Variants in HIVEP3 observed in about 807,000 individuals in gnomAD.
HIVEP3 encodes transcription factor HIVEP3.
Under a neutral mutation model 152.8 loss-of-function variants are expected in HIVEP3, and 49 were observed. The observed-to-expected ratio is 0.32, with a 90% CI of 0.26 to 0.41. HIVEP3 has a LOEUF of 0.41. Ranked by LOEUF, HIVEP3 falls within the 10% of genes least tolerant of loss-of-function variation. The pLI is 1.00. For synonymous variants in HIVEP3, 1,269 were observed against 1,289.0 expected, an observed-to-expected ratio of 0.98 and a Z score of 0.33; for missense variants, 2,790 against 3,103.3, an observed-to-expected ratio of 0.90 and a Z score of 2.40.
At chr1:41,578,592 TTGGTCAGAGCTTC>T (rs1264378953) in intron 4 of HIVEP3, among the ~76,000 whole-genome samples, 7 of 152,256 alleles carry the variant, frequency 4.6e-5, no homozygotes, top group Admixed American at 4.6e-4. Context: ...TAGACCTAAT[TTGGTCAGAGCTTC>T]TGGTCTGAAG....
intron 5 of HIVEP3, among the ~76,000 whole-genome samples, chr1:41,570,703 CAAAT>C (rs1644239745): frequency 1.3e-5 from 2 of 152,296 alleles, no homozygotes; most frequent in African/African-American, 4.8e-5. Flanking sequence ...TTGACTGTGT[CAAAT>C]GCTGCCGATG....
chr1:41,593,647 C>T (rs1644621362), intron 3 of HIVEP3, among the ~76,000 whole-genome samples: 1 of 152,232 alleles, frequency 6.6e-6, no homozygotes, highest in Admixed American at 6.5e-5. Context: ...GCACTATTTC[C>T]CTAACCTCCT....
At chr1:41,515,715 C>T (rs936697247) in intron 7 of HIVEP3, among the ~76,000 whole-genome samples, 1 of 152,188 alleles carries the variant, frequency 6.6e-6, no homozygotes, top group African/African-American at 2.4e-5. Flanking sequence ...CTACCACTTC[C>T]TTGCTGTGTG....
intron 1 of HIVEP3, among the ~76,000 whole-genome samples, chr1:41,870,044 G>A (rs1382077386): frequency 6.6e-5 from 10 of 152,280 alleles, no homozygotes; most frequent in Admixed American, 2.0e-4. Context: ...ATGTGAGTGC[G>A]TCTGACTAAA....
intron 1 of HIVEP3, among the ~76,000 whole-genome samples, chr1:41,844,426 A>C (rs887965909): frequency 6.6e-6 from 1 of 152,200 alleles, no homozygotes; most frequent in Non-Finnish European, 1.5e-5. Context: ...TATCATGCAC[A>C]CAGAGTCCTC....
At chr1:41,932,656 T>C (rs1168587068) in intron 1 of HIVEP3, among the ~76,000 whole-genome samples, 1 of 151,884 alleles carries the variant, frequency 6.6e-6, no homozygotes, top group African/African-American at 2.4e-5. Flanking sequence ...AAATTGCTTT[T>C]TTGTTTCAAA....
intron 7 of HIVEP3, among the ~76,000 whole-genome samples, chr1:41,515,891 TC>T (rs1642590639): frequency 6.6e-6 from 1 of 152,078 alleles, no homozygotes; most frequent in African/African-American, 2.4e-5. Context: ...CCCCCCAGTC[TC>T]AGCAGGCAGG....
rs1645740458 is a variant in HIVEP3, at chr1:41,662,912, C to T, written c.-720-33965G>A. On this transcript the variant is annotated intron_variant, in intron 2 of 8. Transcript: ENST00000372583. This position sits in a 1 kb window ranked among gnomAD's most constrained non-coding sequence, Gnocchi z 7.2. ...TGGGTGCCAGCCGGGCTCCGGGAAGCCCGCGCCTCCCCAGGCGGGAATCCG... is the reference window on the plus strand; with the variant it reads ...TGGGTGCCAGCCGGGCTCCGGGAAGTCCGCGCCTCCCCAGGCGGGAATCCG... Among the ~76,000 whole-genome samples the T allele has an allele frequency of 6.6e-6, 1 of 152,188 alleles. No homozygotes were observed. Among genetic ancestry groups the T allele is most frequent in the Non-Finnish European group, 1.5e-5 (1 of 68,016 alleles).
At chr1:41,985,065 T>C (rs1161933390) in intron 1 of HIVEP3, among the ~76,000 whole-genome samples, 2 of 151,984 alleles carry the variant, frequency 1.3e-5, no homozygotes, top group Non-Finnish European at 2.9e-5. Flanking sequence ...GGTTGATTGA[T>C]TGATTTTTCC....
At chr1:41,595,610 T>C (rs1338906929) in intron 3 of HIVEP3, among the ~76,000 whole-genome samples, 1 of 152,170 alleles carries the variant, frequency 6.6e-6, no homozygotes, top group Non-Finnish European at 1.5e-5. Flanking sequence ...ATATCGAATG[T>C]CAACTTGATT....
chr1:41,832,239 G>A (rs1267862495), intron 1 of HIVEP3, among the ~76,000 whole-genome samples: 1 of 152,218 alleles, frequency 6.6e-6, no homozygotes, highest in Non-Finnish European at 1.5e-5. Context: ...CCATGGCTAA[G>A]TGACCTCTCC....
At chr1:41,760,096 C>A (rs1386459242) in intron 1 of HIVEP3, among the ~76,000 whole-genome samples, 1 of 152,072 alleles carries the variant, frequency 6.6e-6, no homozygotes, top group African/African-American at 2.4e-5. Context: ...TTGCTTGAGC[C>A]CAAGAGCTGG....
chr1:42,015,593 A>C (rs975584700), intron 1 of HIVEP3, among the ~76,000 whole-genome samples: 1 of 152,244 alleles, frequency 6.6e-6, no homozygotes, highest in Non-Finnish European at 1.5e-5. Flanking sequence ...AAGGGGCTTT[A>C]AAGGTACTAA....
chr1:41,868,059 C>A (rs1332202677), intron 1 of HIVEP3, among the ~76,000 whole-genome samples: 1 of 152,084 alleles, frequency 6.6e-6, no homozygotes, highest in Non-Finnish European at 1.5e-5. Flanking sequence ...CCCAACTGGC[C>A]CGCATGGCCA....
rs1269094482 is a variant in HIVEP3 at position 41,933,205 on chromosome 1, CT to C, written n.120-14682del. Among the ~76,000 whole-genome samples, 5 of 152,094 alleles carry C rather than the reference CT, an allele frequency of 3.3e-5. No homozygotes were observed. In the South Asian group the frequency reaches 8.3e-4, roughly 25 times the overall value. ...TGGTTGATAATGTTGCTCCAGTCATCTATATTTTTGATGATTTTCTTTCCAT... is the reference window on the plus strand; with the variant it reads ...TGGTTGATAATGTTGCTCCAGTCATCATATTTTTGATGATTTTCTTTCCAT... On this transcript the variant is annotated intron_variant and non_coding_transcript_variant, in intron 1 of 3. Transcript: ENST00000489103.
chr1:41,885,709 CCCTTCCT>C (rs1644334842), intron 1 of HIVEP3, among the ~76,000 whole-genome samples: 1 of 150,536 alleles, frequency 6.6e-6, no homozygotes, highest in Admixed American at 6.6e-5. Flanking sequence ...CTTCCTCCTT[CCCTTCCT>C]CCTTCCCTTC....
chr1:41,838,115 T>A (rs911076075), intron 1 of HIVEP3, among the ~76,000 whole-genome samples: 1 of 152,210 alleles, frequency 6.6e-6, no homozygotes, highest in African/African-American at 2.4e-5. Flanking sequence ...CTTATATATA[T>A]ATTTTAATTG....
intron 1 of HIVEP3, among the ~76,000 whole-genome samples, chr1:42,001,789 A>T (rs1339301876): frequency 6.6e-6 from 1 of 152,130 alleles, no homozygotes; most frequent in African/African-American, 2.4e-5. Flanking sequence ...ATTTTGTACT[A>T]CTTGATAAAC....
At chr1:41,589,693 G>A (rs867988258) in intron 3 of HIVEP3, among the ~76,000 whole-genome samples, 4 of 152,116 alleles carry the variant, frequency 2.6e-5, no homozygotes, top group Admixed American at 6.5e-5. Context: ...TGGGGTCCCC[G>A]GTCAAAGTTA....
Sources: allele counts gnomAD v4.1 joint callset (sites outside exome capture counted in the v4.1 genomes callset), GRCh38; gene constraint gnomAD v4.1.1; non-coding constraint Gnocchi (gnomAD v3.1); transcripts MANE v1.5; gene names NCBI Gene and HGNC (gene_info 2026-07-23, HGNC 2026-07-21).